Variants in XXYLT1 observed in about 807,000 individuals in gnomAD.
XXYLT1 encodes xyloside xylosyltransferase 1.
A neutral mutation model predicts 28.9 loss-of-function variants in XXYLT1; 20 were observed. The observed-to-expected ratio is 0.69, with a 90% confidence interval of 0.49 to 1.00. The LOEUF is 1.00. Among genes scored for constraint, XXYLT1 ranks in the 50% least tolerant of loss-of-function variants. XXYLT1 has a pLI of 0.00. For missense variants in XXYLT1, 542 were observed against 560.1 expected (o/e 0.97, Z 0.33); for synonymous variants, 257 against 253.8 (o/e 1.01, Z -0.12).
intron 1 of XXYLT1, among the ~76,000 whole-genome samples, chr3:195,233,362 C>T (rs1724384932): frequency 6.6e-6 from 1 of 152,146 alleles, no homozygotes; most frequent in Non-Finnish European, 1.5e-5. Flanking sequence ...ACTCCATTTA[C>T]ATTCAATGTT....
At chr3:195,156,338 G>A (rs906724145) in intron 3 of XXYLT1, 111 bp downstream of exon 3, 24 of 1,516,376 alleles carry the variant, frequency 1.6e-5, no homozygotes, top group Non-Finnish European at 2.0e-5. Context: ...AAGATACTAA[G>A]TGCAGAAGGA....
chr3:195,213,067 G>T (rs536864298), intron 2 of XXYLT1, among the ~76,000 whole-genome samples: 2 of 152,278 alleles, frequency 1.3e-5, no homozygotes, highest in South Asian at 4.1e-4. Flanking sequence ...TTCAAATCTG[G>T]AAGTACAACC....
At chr3:195,145,688 G>T (rs1189437825) in intron 3 of XXYLT1, among the ~76,000 whole-genome samples, 1 of 152,234 alleles carries the variant, frequency 6.6e-6, no homozygotes, top group Non-Finnish European at 1.5e-5. Flanking sequence ...TCACATTTCT[G>T]AAAGTCCATA....
intron 2 of XXYLT1, among the ~76,000 whole-genome samples, chr3:195,193,888 C>G (rs1206934403): frequency 6.6e-6 from 1 of 152,000 alleles, no homozygotes; most frequent in African/African-American, 2.4e-5. Flanking sequence ...TCACATCATA[C>G]ATAAAAATTA....
At chr3:195,243,230 A>G (rs545938307) in intron 1 of XXYLT1, among the ~76,000 whole-genome samples, 158 of 152,146 alleles carry the variant, frequency 1.0e-3, no homozygotes, top group African/African-American at 2.8e-3. Flanking sequence ...GGAAGGGGGA[A>G]GGATAGCATT....
intron 1 of XXYLT1, among the ~76,000 whole-genome samples, chr3:195,269,197 G>T (rs1725939271): frequency 6.6e-6 from 1 of 152,256 alleles, no homozygotes; most frequent in East Asian, 1.9e-4. Flanking sequence ...CTTCAAGGCG[G>T]TGTTTGGAGA....
At chr3:195,072,558 A>G (rs1305577503) in intron 3 of XXYLT1, among the ~76,000 whole-genome samples, 1 of 152,140 alleles carries the variant, frequency 6.6e-6, no homozygotes, top group South Asian at 2.1e-4. Flanking sequence ...CTTTGGGGAC[A>G]ATGCTCAGCA....
intron 3 of XXYLT1, among the ~76,000 whole-genome samples, chr3:195,088,104 G>C (rs1029328833): frequency 5.9e-5 from 9 of 151,830 alleles, no homozygotes; most frequent in South Asian, 2.1e-4. Flanking sequence ...AGCGAGGCTG[G>C]GGGAGGGGCG....
At chr3:195,169,978 GC>G (rs2108712712) in intron 2 of XXYLT1, among the ~76,000 whole-genome samples, 1 of 138,090 alleles carries the variant, frequency 7.2e-6, no homozygotes, top group South Asian at 2.3e-4. Context: ...CGATTCTCCT[GC>G]CTCAGCCTTC....
At chr3:195,119,433 G>A (rs1437132892) in intron 3 of XXYLT1, among the ~76,000 whole-genome samples, 2 of 152,184 alleles carry the variant, frequency 1.3e-5, no homozygotes, top group Non-Finnish European at 2.9e-5. Context: ...GCGATGAAGG[G>A]TATCCAGTAA....
intron 1 of XXYLT1, among the ~76,000 whole-genome samples, chr3:195,252,731 G>A (rs56264507): frequency 1.3e-5 from 1 of 76,144 alleles, no homozygotes; most frequent in African/African-American, 4.1e-5. Flanking sequence ...CACACACAGA[G>A]AGAGAGAGAG....
chr3:195,204,476 A>ACACTCT (rs1553821520), intron 2 of XXYLT1, among the ~76,000 whole-genome samples: 58 of 125,966 alleles, frequency 4.6e-4, no homozygotes, highest in African/African-American at 1.5e-3. Context: ...TCACTCTCTC[A>ACACTCT]CTCTCTCTCT....
rs112627633 is a variant in XXYLT1 at position 195,243,574 on chromosome 3, G to A, written c.505-16718C>T. On this transcript the variant is annotated intron_variant, in intron 1 of 3. Transcript: ENST00000310380. ...CCTGGAGTGACAGACAGATAATTGA[G>A]TGATAGACGGGTAGAGCCACAGGTC... 1.3e-3 allele frequency among the ~76,000 whole-genome samples: 204 copies of A among 152,308 alleles called. 1 individual carries two copies. Among genetic ancestry groups the A allele is most frequent in the African/African-American group, 4.6e-3 (193 of 41,560 alleles).
At chr3:195,145,637 G>A (rs1287818252) in intron 3 of XXYLT1, among the ~76,000 whole-genome samples, 1 of 144,080 alleles carries the variant, frequency 6.9e-6, no homozygotes, top group Non-Finnish European at 1.5e-5. Flanking sequence ...TCACTCCACG[G>A]TGACCGGCAC....
At chr3:195,253,657 C>G (rs1282435794) in intron 1 of XXYLT1, among the ~76,000 whole-genome samples, 2 of 152,016 alleles carry the variant, frequency 1.3e-5, no homozygotes, top group Admixed American at 6.5e-5. Flanking sequence ...CACCACCACG[C>G]CTGGCCAATT....
At chr3:195,152,469 C>T (rs189901285) in intron 3 of XXYLT1, 175 of 152,688 alleles carry the variant, frequency 1.1e-3, no homozygotes, top group African/African-American at 4.0e-3. Flanking sequence ...AGAGAGGCTC[C>T]TCTCTCCCTA....
intron 2 of XXYLT1, among the ~76,000 whole-genome samples, chr3:195,179,253 T>A (rs1577114248): frequency 6.6e-6 from 1 of 151,528 alleles, no homozygotes; most frequent in Admixed American, 6.6e-5. Flanking sequence ...GGCAGGAGAA[T>A]TGCTTGAACC....
intron 2 of XXYLT1, among the ~76,000 whole-genome samples, chr3:195,163,374 A>AT (rs1720967492): frequency 6.6e-6 from 1 of 152,112 alleles, no homozygotes; most frequent in African/African-American, 2.4e-5. Flanking sequence ...AGGTAAACTA[A>AT]CAAAGGTTCC....
intron 1 of XXYLT1, among the ~76,000 whole-genome samples, chr3:195,235,212 C>T (rs886627593): frequency 5.3e-5 from 8 of 152,182 alleles, no homozygotes; most frequent in African/African-American, 1.7e-4. Flanking sequence ...CTCAAGCCAT[C>T]CTCCCAGCTC....
Sources: allele counts gnomAD v4.1 joint callset (sites outside exome capture counted in the v4.1 genomes callset), GRCh38; gene constraint gnomAD v4.1.1; transcripts MANE v1.5; gene names NCBI Gene and HGNC (gene_info 2026-07-23, HGNC 2026-07-21).